Variants in BRWD1 observed in about 807,000 individuals in gnomAD.
BRWD1 encodes the protein bromodomain and WD repeat domain containing 1, also known as bromodomain and WD repeat-containing protein 1.
In BRWD1, 82 loss-of-function variants were observed where a neutral mutation model predicts 251.2. That is an observed-to-expected ratio of 0.33 (90% confidence interval 0.27 to 0.39). The LOEUF is 0.39. BRWD1 is among the 10% of genes least tolerant of loss of function. The pLI is 1.00. For missense variants in BRWD1, 2,233 were observed against 2,711.6 expected (o/e 0.82, Z 3.92); for synonymous variants, 918 against 902.8 (o/e 1.02, Z -0.30).
intron 19 of BRWD1, among the ~76,000 whole-genome samples, chr21:39,254,818 G>A (rs1469501466): frequency 6.6e-6 from 1 of 152,198 alleles, no homozygotes; most frequent in Non-Finnish European, 1.5e-5. Context: ...AACCGAGGAG[G>A]CTATTTATGT....
chr21:39,197,419 A>G lies in BRWD1; in HGVS notation c.5654-4T>C, dbSNP rs962907289. Reference sequence around the variant, plus strand: ...CCATTGTCTTGTGATGCAGAATCTAAAAGTTAAAGAGCAGATTTCTATTAA... The same window carrying G: ...CCATTGTCTTGTGATGCAGAATCTAGAAGTTAAAGAGCAGATTTCTATTAA... On this transcript the variant is annotated splice_region_variant and splice_polypyrimidine_tract_variant and intron_variant, in intron 40 of 40. Coordinates refer to ENST00000342449, the MANE Select transcript of BRWD1 (RefSeq NM_033656.4). The G allele has an allele frequency of 6.5e-7, 1 of 1,547,612 alleles. No homozygotes were observed. The highest frequency in any genetic ancestry group is 1.2e-5 in the South Asian group (1 of 82,172).
intron 15 of BRWD1, among the ~76,000 whole-genome samples, chr21:39,267,515 C>T (rs187042208): frequency 8.5e-5 from 13 of 152,244 alleles, no homozygotes; most frequent in Admixed American, 5.9e-4. Context: ...GGGAGAATGG[C>T]GTGAACCCGG....
chr21:39,290,962 T>C (rs1241739220), intron 8 of BRWD1, among the ~76,000 whole-genome samples: 1 of 152,032 alleles, frequency 6.6e-6, no homozygotes, highest in Non-Finnish European at 1.5e-5. Context: ...CTAGATTCCA[T>C]CCCTATAAAG....
intron 37 of BRWD1, among the ~76,000 whole-genome samples, chr21:39,204,417 T>C (rs1247136921): frequency 1.3e-5 from 2 of 151,966 alleles, no homozygotes; most frequent in Non-Finnish European, 2.9e-5. Context: ...TGTAACAACA[T>C]AAAGTACCTA....
intron 17 of BRWD1, among the ~76,000 whole-genome samples, chr21:39,260,097 C>CT (rs2034692570): frequency 6.6e-6 from 1 of 152,082 alleles, no homozygotes; most frequent in African/African-American, 2.4e-5. Context: ...CTCATATTAA[C>CT]TTTGTCTTTA....
intron 36 of BRWD1, among the ~76,000 whole-genome samples, chr21:39,208,679 G>A (rs557720955): frequency 1.3e-5 from 2 of 152,018 alleles, no homozygotes; most frequent in Non-Finnish European, 2.9e-5. Context: ...CATTTCAAGC[G>A]GTTCTCATGC....
intron 8 of BRWD1, among the ~76,000 whole-genome samples, chr21:39,282,793 A>G (rs956244862): frequency 1.3e-5 from 2 of 151,938 alleles, no homozygotes; most frequent in African/African-American, 4.8e-5. Context: ...CCCTGTCTCT[A>G]CTAAAAATAC....
rs569269365 is a variant in BRWD1, at chr21:39,191,398, G to A, written c.*4861C>T. 3.2e-5 allele frequency: 32 copies of A among 985,154 alleles called. 1 individual carries two copies. The South Asian group carries it at 1.5e-3, about 45-fold the overall frequency. 61.0% of individuals were successfully genotyped at this position (985,154 alleles called of 1,614,324 possible). ...TAGAATGTATTTGGCTTGGAGTAGTGTTTTGTTTTGTTTTTTAACTCTTTT... is the reference window on the plus strand; with the variant it reads ...TAGAATGTATTTGGCTTGGAGTAGTATTTTGTTTTGTTTTTTAACTCTTTT... On this transcript the variant is annotated 3_prime_UTR_variant, in exon 41 of 41. Transcript: ENST00000342449.
At chr21:39,233,898 T>C (rs895731389) in intron 23 of BRWD1, among the ~76,000 whole-genome samples, 7 of 152,152 alleles carry the variant, frequency 4.6e-5, no homozygotes, top group Non-Finnish European at 8.8e-5. Flanking sequence ...TGTGTGCCTG[T>C]AGTCCCAGCT....
intron 18 of BRWD1, among the ~76,000 whole-genome samples, chr21:39,256,687 A>G (rs2034572991): frequency 6.6e-6 from 1 of 152,198 alleles, no homozygotes; most frequent in South Asian, 2.1e-4. Context: ...CTGAGGAGGA[A>G]GTCCTAGACA....
rs759648951 is a variant in BRWD1 at position 39,270,291 on chromosome 21, T to C, written c.1387A>G (p.Asn463Asp). ...TACCAGAAATTACCTACCATTAAGT[T>C]ATGAAGCAGTTGTCCAGTGTAAGAA... is the stretch of plus-strand genomic sequence containing the variant. ...WNSYTGQLLH[N>D]LMGHADEVFV... is the part of the protein sequence containing the mutation. The change falls in exon 14 of 41, where the codon AAC (asparagine) becomes GAC (aspartate). Residue 463 changes from asparagine to aspartate, a missense_variant. Coordinates refer to ENST00000342449, the MANE Select transcript of BRWD1 (RefSeq NM_033656.4). 5.7e-6 allele frequency: 9 copies of C among 1,587,718 alleles called. No individual in the cohort carries two copies. In the East Asian group the frequency reaches 2.0e-4, roughly 36 times the overall value.
intron 22 of BRWD1, among the ~76,000 whole-genome samples, chr21:39,237,740 G>A (rs1162911156): frequency 6.6e-6 from 1 of 152,088 alleles, no homozygotes; most frequent in Non-Finnish European, 1.5e-5. Flanking sequence ...GAGACTGGCT[G>A]CACAACTATG....
intron 17 of BRWD1, among the ~76,000 whole-genome samples, chr21:39,259,092 T>C (rs780185008): frequency 2.6e-5 from 4 of 152,200 alleles, no homozygotes; most frequent in Non-Finnish European, 5.9e-5. Context: ...TAATTTCTTC[T>C]CTATGTCTTA....
chr21:39,221,876 C>T (rs2033190278), intron 29 of BRWD1, among the ~76,000 whole-genome samples: 2 of 150,858 alleles, frequency 1.3e-5, no homozygotes, highest in Admixed American at 1.3e-4. Context: ...TGCACTTCAA[C>T]CTGGGCAAAG....
intron 4 of BRWD1, among the ~76,000 whole-genome samples, chr21:39,303,789 C>A (rs992585923): frequency 1.3e-5 from 2 of 151,256 alleles, no homozygotes; most frequent in African/African-American, 4.9e-5. Flanking sequence ...TGCCACTGTA[C>A]TTCAGCCTGG....
At chr21:39,227,167 GGAAA>G (rs927670687) in intron 27 of BRWD1, among the ~76,000 whole-genome samples, 5 of 152,038 alleles carry the variant, frequency 3.3e-5, no homozygotes, top group East Asian at 1.9e-4. Context: ...AAAAAAAGAA[GGAAA>G]GAAAGAAAGA....
At chr21:39,276,623 A>T (rs572481982) in intron 11 of BRWD1, among the ~76,000 whole-genome samples, 1 of 152,342 alleles carries the variant, frequency 6.6e-6, no homozygotes, top group Admixed American at 6.5e-5. Flanking sequence ...TAACCTCTGG[A>T]TGTGGACTGC....
intron 4 of BRWD1, among the ~76,000 whole-genome samples, chr21:39,304,051 G>A (rs1367220617): frequency 2.7e-5 from 4 of 147,352 alleles, no homozygotes; most frequent in Non-Finnish European, 5.9e-5. Flanking sequence ...TTAGGCAGGA[G>A]AATCGCTTGA....
Position 39,250,803 on chromosome 21 carries a change from G to A in BRWD1, c.2342C>T (p.Ser781Leu). 1.3e-6 allele frequency: 2 copies of A among 1,576,012 alleles called. No individual in the cohort carries two copies. Among genetic ancestry groups the A allele is most frequent in the Non-Finnish European group, 1.7e-6 (2 of 1,159,082 alleles). Reference protein sequence around the residue: ...IGRKRKTLQLSHKSDSVVLVS... With the variant: ...IGRKRKTLQLLHKSDSVVLVS... ...AAACAGAATTTAGGTTACCTTATGT[G>A]AGAGCTGAAGAGTCTTTCTTTTTCT... Residue 781 changes from serine (S) to leucine (L), a missense_variant, in exon 20 of 41, where the codon TCA (serine) becomes TTA (leucine). Coordinates refer to ENST00000342449, the MANE Select transcript of BRWD1 (RefSeq NM_033656.4).
Sources: allele counts gnomAD v4.1 joint callset (sites outside exome capture counted in the v4.1 genomes callset), GRCh38; gene constraint gnomAD v4.1.1; transcripts MANE v1.5; gene names NCBI Gene and HGNC (gene_info 2026-07-23, HGNC 2026-07-21).